DLGAP2: variants seen among roughly 807,000 people sequenced by gnomAD.
DLGAP2 encodes disks large-associated protein 2.
Under a neutral mutation model 100.3 loss-of-function variants are expected in DLGAP2, and 26 were observed. The ratio of observed to expected loss-of-function variants is 0.26; its 90% CI spans 0.19 to 0.36. DLGAP2 has a LOEUF of 0.36. DLGAP2 is among the 10% of genes least tolerant of loss of function. DLGAP2 has a pLI of 1.00. For missense variants in DLGAP2, 1,858 were observed against 1,453.2 expected, an observed-to-expected ratio of 1.28 and a Z score of -4.53; for synonymous variants, 886 against 630.1, an observed-to-expected ratio of 1.41 and a Z score of -6.08.
chr8:1,374,853 G>T (rs577780995), intron 3 of DLGAP2, among the ~76,000 whole-genome samples: 2 of 152,288 alleles, frequency 1.3e-5, no homozygotes, highest in Admixed American at 6.5e-5. Context: ...GTGGGACTCC[G>T]GTGCCGCACG....
At chr8:1,456,080 C>A (rs1477030646) in intron 3 of DLGAP2, among the ~76,000 whole-genome samples, 1 of 152,210 alleles carries the variant, frequency 6.6e-6, no homozygotes, top group Non-Finnish European at 1.5e-5. Context: ...CTGGGTCCCT[C>A]CCAGCAGCTT....
chr8:1,043,930 C>T (rs989819556), intron 2 of DLGAP2, among the ~76,000 whole-genome samples: 1 of 148,528 alleles, frequency 6.7e-6, no homozygotes, highest in Non-Finnish European at 1.5e-5. Context: ...GAGATCTCAG[C>T]TGGGGTGCAG....
rs184366018 is a variant in DLGAP2 at position 978,952 on chromosome 8, G to T, written c.73+70986G>T. ...CTTTCTCTGCTGGCAACGAGTTTAGGGTTTGCTGGTAGATCAGCAAGATTG... is the reference window on the plus strand; with the variant it reads ...CTTTCTCTGCTGGCAACGAGTTTAGTGTTTGCTGGTAGATCAGCAAGATTG... On this transcript the variant is annotated intron_variant, in intron 2 of 14. Coordinates refer to ENST00000637795, the MANE Select transcript of DLGAP2 (RefSeq NM_001346810.2). Among the ~76,000 whole-genome samples, 131 of 152,284 alleles carry T rather than the reference G, an allele frequency of 8.6e-4. 1 individual carries two copies. The highest frequency in any genetic ancestry group is 3.1e-3 in the African/African-American group (129 of 41,540).
chr8:1,532,799 A>T (rs17748677), intron 4 of DLGAP2, among the ~76,000 whole-genome samples: 1 of 152,148 alleles, frequency 6.6e-6, no homozygotes. Flanking sequence ...GTTCGGTTAT[A>T]GTCAAATGTT....
At position 1,333,129 on chromosome 8, in the gene DLGAP2, C is replaced by T. The variant is rs570096464; in HGVS notation, c.106+74246C>T. 9.2e-5 allele frequency among the ~76,000 whole-genome samples: 14 copies of T among 152,226 alleles called. No individual in the cohort carries two copies. The East Asian group carries it at 2.7e-3, about 30-fold the overall frequency. Reference sequence around the variant, plus strand: ...TGTTCCTCCTAAGCAGATGGACCTCCGGCTGCAGGCGTGAGCACAAGGAGA... The same window carrying T: ...TGTTCCTCCTAAGCAGATGGACCTCTGGCTGCAGGCGTGAGCACAAGGAGA... On this transcript the variant is annotated intron_variant, in intron 3 of 14. Transcript: ENST00000637795.
rs560710389 is a variant in DLGAP2, at chr8:1,044,610, C to T, written c.73+136644C>T. Among the ~76,000 whole-genome samples, 8 of 152,344 alleles carry T rather than the reference C, an allele frequency of 5.3e-5. No individual in the cohort carries two copies. In the East Asian group the frequency reaches 1.2e-3, roughly 22 times the overall value. ...TAGGCCTCCAGACAGTTGTTTCTCCCGCATGTATCCCAGGGTCTCCTCTCC... is the reference window on the plus strand; with the variant it reads ...TAGGCCTCCAGACAGTTGTTTCTCCTGCATGTATCCCAGGGTCTCCTCTCC... On this transcript the variant is annotated intron_variant, in intron 2 of 14. Transcript: ENST00000637795.
chr8:1,379,378 G>A lies in DLGAP2; in HGVS notation c.106+120495G>A, dbSNP rs78560797. ...CACAGCCGCCCCACACGGCACGTAC[G>A]CCGACATCCCTTATCTAGGAGGTGG... On this transcript the variant is annotated intron_variant, in intron 3 of 14. Transcript: ENST00000637795. Among the ~76,000 whole-genome samples, 84 of 152,318 alleles carry A rather than the reference G, an allele frequency of 5.5e-4. No homozygotes were observed. In the East Asian group the frequency reaches 0.014, roughly 26 times the overall value.
chr8:1,090,943 A>T (rs2123057), intron 2 of DLGAP2, among the ~76,000 whole-genome samples: 83,988 of 152,030 alleles, frequency 0.55, 23,729 homozygotes, highest in Non-Finnish European at 0.62. Context: ...TACTTAGCTA[A>T]ACTGATTACT....
intron 2 of DLGAP2, among the ~76,000 whole-genome samples, chr8:973,099 G>A (rs1166598953): frequency 9.2e-5 from 14 of 152,204 alleles, no homozygotes; most frequent in Non-Finnish European, 1.8e-4. Flanking sequence ...AACCGCCATC[G>A]TCATCATGGC....
intron 2 of DLGAP2, among the ~76,000 whole-genome samples, chr8:1,132,808 CA>C (rs1448416395): frequency 2.0e-5 from 3 of 152,224 alleles, no homozygotes; most frequent in Non-Finnish European, 4.4e-5. Context: ...CTTAGAAGGG[CA>C]GGACGCCCAG....
At chr8:1,256,571 T>C (rs11988254) in intron 2 of DLGAP2, among the ~76,000 whole-genome samples, 275 of 138,996 alleles carry the variant, frequency 2.0e-3, no homozygotes, top group African/African-American at 7.0e-3. Context: ...CCTGCCCGGG[T>C]GCTGTGCGTG....
At chr8:1,214,958 G>A (rs1396412924) in intron 2 of DLGAP2, among the ~76,000 whole-genome samples, 2 of 152,190 alleles carry the variant, frequency 1.3e-5, no homozygotes, top group African/African-American at 4.8e-5. Context: ...GTTTAAAAAT[G>A]CAGTGCAATC....
At chr8:948,432 C>T (rs1439052937) in intron 2 of DLGAP2, among the ~76,000 whole-genome samples, 4 of 152,218 alleles carry the variant, frequency 2.6e-5, no homozygotes, top group African/African-American at 9.6e-5. Context: ...GGTCCCATGC[C>T]TTCCCCTTCC....
chr8:1,388,202 AC>A (rs1796264761), intron 3 of DLGAP2, among the ~76,000 whole-genome samples: 4 of 40,014 alleles, frequency 1.0e-4, no homozygotes, highest in African/African-American at 4.0e-4. Flanking sequence ...AGAGGCAGAG[AC>A]CGTGGATGAG....
At chr8:1,433,401 G>A (rs1305024138) in intron 3 of DLGAP2, among the ~76,000 whole-genome samples, 1 of 152,218 alleles carries the variant, frequency 6.6e-6, no homozygotes, top group Admixed American at 6.5e-5. Flanking sequence ...GGCACCCGCT[G>A]CGGTGGCCAG....
At chr8:1,192,536 T>C (rs1306859118) in intron 2 of DLGAP2, among the ~76,000 whole-genome samples, 1 of 152,078 alleles carries the variant, frequency 6.6e-6, no homozygotes. Flanking sequence ...TCTCATGCCC[T>C]TTGTCCAGCC....
intron 6 of DLGAP2, among the ~76,000 whole-genome samples, chr8:1,614,485 C>A (rs1264737219): frequency 6.6e-6 from 1 of 152,236 alleles, no homozygotes; most frequent in African/African-American, 2.4e-5. Context: ...CTGCCATTGA[C>A]GGCTTGGACC....
intron 6 of DLGAP2, among the ~76,000 whole-genome samples, chr8:1,569,879 G>A (rs1041859922): frequency 6.6e-6 from 1 of 151,826 alleles, no homozygotes; most frequent in Non-Finnish European, 1.5e-5. Flanking sequence ...GCACTGCTCT[G>A]TGGAGGGCAG....
At chr8:1,330,255 G>T (rs893060613) in intron 3 of DLGAP2, among the ~76,000 whole-genome samples, 1 of 142,592 alleles carries the variant, frequency 7.0e-6, no homozygotes, top group Non-Finnish European at 1.5e-5. Flanking sequence ...GCACCGCTTC[G>T]CAGGGACTGA....
Sources: gnomAD v4.1 joint callset for allele counts (sites outside exome capture counted in the v4.1 genomes callset) on GRCh38, gnomAD v4.1.1 for gene constraint, MANE v1.5 for transcripts, NCBI Gene and HGNC (gene_info 2026-07-23, HGNC 2026-07-21) for gene names.